Variants in ECE1 observed in about 807,000 individuals in gnomAD.
ECE1 encodes endothelin converting enzyme 1, also known as endothelin-converting enzyme 1.
Under a neutral mutation model 98.6 loss-of-function variants are expected in ECE1, and 35 were observed. The ratio of observed to expected loss-of-function variants is 0.35; its 90% CI spans 0.27 to 0.47. ECE1 has a LOEUF of 0.47. Ranked by LOEUF, ECE1 falls within the 20% of genes least tolerant of loss-of-function variation. The probability of loss-of-function intolerance (pLI) is 1.00; values close to 1 mark genes in which losing one functional copy is unlikely to be tolerated. For synonymous variants in ECE1, 394 were observed against 407.1 expected, an observed-to-expected ratio of 0.97 and a Z score of 0.39; for missense variants, 814 against 1,025.3, an observed-to-expected ratio of 0.79 and a Z score of 2.81.
intron 3 of ECE1, among the ~76,000 whole-genome samples, chr1:21,276,866 G>A (rs187793828): frequency 1.2e-3 from 188 of 152,084 alleles, no homozygotes; most frequent in Non-Finnish European, 2.1e-3. Flanking sequence ...ACAGTTGTGC[G>A]CCACCATCCC....
intron 8 of ECE1, among the ~76,000 whole-genome samples, chr1:21,250,994 G>A (rs1573966749): frequency 6.7e-6 from 1 of 149,564 alleles, no homozygotes; most frequent in East Asian, 2.0e-4. Flanking sequence ...GCGACAGAGC[G>A]AGACTCAGTC....
At chr1:21,290,865 C>T (rs1356698071), upstream of ECE1, among the ~76,000 whole-genome samples, 2 of 152,196 alleles carry the variant, frequency 1.3e-5, no homozygotes, top group African/African-American at 4.8e-5. This position sits in a 1 kb window ranked among gnomAD's most constrained non-coding sequence, Gnocchi z 7.3. Flanking sequence ...TAGGTGTCCC[C>T]TTTCAGTTCC....
intron 8 of ECE1, among the ~76,000 whole-genome samples, chr1:21,250,849 T>C (rs1487314538): frequency 6.6e-6 from 1 of 151,932 alleles, no homozygotes; most frequent in Non-Finnish European, 1.5e-5. Flanking sequence ...CTACTAAAAA[T>C]ACAAAAAATT....
intron 2 of ECE1, chr1:21,279,785 T>A: frequency 9.4e-7 from 1 of 1,062,454 alleles, no homozygotes; most frequent in Non-Finnish European, 1.2e-6. Flanking sequence ...CAGACATCCT[T>A]AGCTCATTAA....
intron 1 of ECE1, among the ~76,000 whole-genome samples, chr1:21,329,326 C>A (rs1459171011): frequency 6.6e-6 from 1 of 152,196 alleles, no homozygotes; most frequent in Non-Finnish European, 1.5e-5. Flanking sequence ...TGCTTGCTAC[C>A]GCCGACTTGC....
chr1:21,290,177 C>T lies in ECE1; in HGVS notation c.52-21G>A, dbSNP rs371525001. 46 of 1,538,292 alleles carry T rather than the reference C, an allele frequency of 3.0e-5. No homozygotes were observed. Among genetic ancestry groups the T allele is most frequent in the Non-Finnish European group, 4.0e-5 (46 of 1,144,888 alleles). ...GACATCTGCAAGGCCAAATGCAGCA[C>T]GGACTCCCTCAGCGCCTCCATGGCT... On this transcript the variant is annotated intron_variant, in intron 1 of 18. Transcript: ENST00000374893. The surrounding 1 kb of genome is among the most constrained non-coding windows in gnomAD (Gnocchi z 7.3).
chr1:21,315,546 C>A (rs1032877748), intron 1 of ECE1, among the ~76,000 whole-genome samples: 1 of 152,166 alleles, frequency 6.6e-6, no homozygotes, highest in Admixed American at 6.5e-5. Flanking sequence ...GTAGTCCCAG[C>A]ACTTTGGGAG....
At chr1:21,251,212 G>C (rs1312255788) in intron 8 of ECE1, among the ~76,000 whole-genome samples, 1 of 151,482 alleles carries the variant, frequency 6.6e-6, no homozygotes, top group Non-Finnish European at 1.5e-5. Flanking sequence ...TGGCGTGCTG[G>C]TAAACAGTTA....
At chr1:21,264,058 G>A (rs561810313) in intron 4 of ECE1, among the ~76,000 whole-genome samples, 4 of 152,148 alleles carry the variant, frequency 2.6e-5, no homozygotes, top group Non-Finnish European at 5.9e-5. Flanking sequence ...AGAGAAAGGA[G>A]AGTCAAGAAT....
At chr1:21,302,351 C>T (rs1638503982) in intron 1 of ECE1, among the ~76,000 whole-genome samples, 1 of 152,204 alleles carries the variant, frequency 6.6e-6, no homozygotes, top group Admixed American at 6.5e-5. Flanking sequence ...ATCCTGCCAA[C>T]AACTTTCTGG....
chr1:21,325,999 C>G (rs569232336), intron 1 of ECE1, among the ~76,000 whole-genome samples: 27 of 152,172 alleles, frequency 1.8e-4, no homozygotes, highest in Non-Finnish European at 1.2e-4. Flanking sequence ...ACGGAGCTCC[C>G]GGCTGTGGGA....
chr1:21,341,063 C>T (rs1186662621), intron 1 of ECE1, among the ~76,000 whole-genome samples: 1 of 150,010 alleles, frequency 6.7e-6, no homozygotes, highest in Non-Finnish European at 1.5e-5. Flanking sequence ...TCTTCCCAGT[C>T]CCACTCGCTC....
rs2098184557 is a variant in ECE1, at chr1:21,233,626, G to A, written c.1602C>T (p.Ala534=). The A allele has an allele frequency of 6.2e-7, 1 of 1,614,014 alleles. No individual in the cohort carries two copies. The highest frequency in any genetic ancestry group is 1.7e-5 in the Admixed American group (1 of 60,014). The change falls in exon 14 of 19, where the codon GCC becomes GCT. Residue 534 remains alanine (A), a synonymous_variant. Transcript: ENST00000374893. The surrounding 1 kb of genome is among the most constrained non-coding windows in gnomAD (Gnocchi z 4.0). ...TAVPDLYFEN[A]MRFFNFSWRV... ...TCCATGAGAAGTTGAAAAACCGCAT[G>A]GCATTTTCAAAGTAGAGGTCTGGAA...
At position 21,235,376 on chromosome 1, in the gene ECE1, T is replaced by C. The variant is rs548950628; in HGVS notation, c.1566+474A>G. Among the ~76,000 whole-genome samples, 19 of 151,976 alleles carry C rather than the reference T, an allele frequency of 1.3e-4. No individual in the cohort carries two copies. The highest frequency in any genetic ancestry group is 4.6e-4 in the Admixed American group (7 of 15,280). The stretch of plus-strand genomic sequence containing the variant: ...AGCATTTCAAAGTCAAAATCAGAGG[T>C]CCGGGTTTCTGGGGAGGTGGAGGAG... On this transcript the variant is annotated intron_variant, in intron 13 of 18. Coordinates refer to ENST00000374893, the MANE Select transcript of ECE1 (RefSeq NM_001397.3). This position sits in a 1 kb window ranked among gnomAD's most constrained non-coding sequence, Gnocchi z 4.2.
At chr1:21,227,076 T>G in intron 16 of ECE1, 83 bp downstream of exon 16, 1 of 1,456,100 alleles carries the variant, frequency 6.9e-7, no homozygotes, top group Non-Finnish European at 9.6e-7. Flanking sequence ...CAGGCTGGTC[T>G]CAAACTCCTG....
In ECE1 at chr1:21,225,010, CTG is replaced by C. The variant is rs2098172013; in HGVS notation, c.2040+238_2040+239del. 6.6e-6 allele frequency among the ~76,000 whole-genome samples: 1 copy of C among 152,244 alleles called. No homozygotes were observed. The highest frequency in any genetic ancestry group is 1.5e-5 in the Non-Finnish European group (1 of 68,048). ...AGGCGGATGAAGCCCGAGCCCCTTC[CTG>C]TGTCTTTGTCAGGCCAGACTCAGAG... On this transcript the variant is annotated intron_variant, in intron 17 of 18. Transcript: ENST00000374893. The surrounding 1 kb of genome is among the most constrained non-coding windows in gnomAD (Gnocchi z 5.3).
At chr1:21,341,689 G>A (rs1274551476) in intron 1 of ECE1, among the ~76,000 whole-genome samples, 1 of 152,248 alleles carries the variant, frequency 6.6e-6, no homozygotes, top group African/African-American at 2.4e-5. Context: ...GGCACAGGCT[G>A]CCCAGGGTGA....
At chr1:21,264,313 C>CT (rs1310973781) in intron 4 of ECE1, among the ~76,000 whole-genome samples, 1 of 75,370 alleles carries the variant, frequency 1.3e-5, no homozygotes. Context: ...ACCAATTCCC[C>CT]CCCCCCCTTT....
rs112901908 is a variant in ECE1 at position 21,281,191 on chromosome 1, G to GAAAACAAAACAAAAC, written c.139-1874_139-1860dup. 6.7e-3 allele frequency among the ~76,000 whole-genome samples: 1,021 copies of GAAAACAAAACAAAAC among 151,716 alleles called. 4 individuals carry two copies. Among genetic ancestry groups the GAAAACAAAACAAAAC allele is most frequent in the African/African-American group, 0.014 (569 of 41,216 alleles). On this transcript the variant is annotated intron_variant, in intron 2 of 18. Coordinates refer to ENST00000374893, the MANE Select transcript of ECE1 (RefSeq NM_001397.3). ...GGCGACAGAGCAAGACTCCGTCTCG[G>GAAAACAAAACAAAAC]AAAACAAAACAAAACAAAACAAAAC... is the stretch of plus-strand genomic sequence containing the variant.
Sources: gnomAD v4.1 joint callset for allele counts (sites outside exome capture counted in the v4.1 genomes callset) on GRCh38, gnomAD v4.1.1 for gene constraint, Gnocchi (gnomAD v3.1) non-coding constraint, MANE v1.5 for transcripts, NCBI Gene and HGNC (gene_info 2026-07-23, HGNC 2026-07-21) for gene names.